Variants in SOX6 observed in about 807,000 individuals in gnomAD.
The protein encoded by SOX6 is transcription factor SOX-6.
SOX6 carries 11 observed loss-of-function variants against 97.8 expected under a neutral mutation model. The ratio of observed to expected loss-of-function variants is 0.11; its 90% confidence interval spans 0.07 to 0.19. The LOEUF (loss-of-function observed/expected upper bound fraction) is 0.19, where lower values mean the gene tolerates loss of function less well. SOX6 is among the 10% of genes least tolerant of loss of function. SOX6 has a pLI of 1.00. For synonymous variants in SOX6, 360 were observed against 371.4 expected, an observed-to-expected ratio of 0.97 and a Z score of 0.35; for missense variants, 810 against 1,039.5, an observed-to-expected ratio of 0.78 and a Z score of 3.04.
chr11:16,636,288 C>A (rs1482108445), intron 3 of SOX6, among the ~76,000 whole-genome samples: 2 of 152,174 alleles, frequency 1.3e-5, no homozygotes, highest in Admixed American at 6.5e-5. Context: ...GGCATGGAGT[C>A]AAAAGAGATC....
chr11:16,157,965 C>T (rs986146066), intron 6 of SOX6, among the ~76,000 whole-genome samples: 18 of 152,006 alleles, frequency 1.2e-4, no homozygotes, highest in Admixed American at 2.6e-4. Flanking sequence ...ACTTCTATGG[C>T]AGTCAGTGAA....
chr11:16,472,824 C>T (rs1356966986), intron 1 of SOX6, among the ~76,000 whole-genome samples: 1 of 151,900 alleles, frequency 6.6e-6, no homozygotes, highest in Non-Finnish European at 1.5e-5. Context: ...AAATAATTTC[C>T]TAGAAGTATA....
At chr11:16,461,187 T>C (rs1859918275) in intron 1 of SOX6, among the ~76,000 whole-genome samples, 1 of 152,110 alleles carries the variant, frequency 6.6e-6, no homozygotes, top group Non-Finnish European at 1.5e-5. Flanking sequence ...ATAGGAGTCA[T>C]TTTGACTCCT....
chr11:16,508,952 T>C (rs895231350), intron 4 of SOX6, among the ~76,000 whole-genome samples: 2 of 151,944 alleles, frequency 1.3e-5, no homozygotes, highest in African/African-American at 4.8e-5. Context: ...TCCATAAATA[T>C]ATGCAAATAT....
chr11:16,715,373 T>A (rs975701880), intron 2 of SOX6, among the ~76,000 whole-genome samples: 6 of 152,222 alleles, frequency 3.9e-5, no homozygotes, highest in African/African-American at 1.4e-4. Flanking sequence ...TAGAAAATTT[T>A]AAATTACATA....
chr11:15,976,046 C>T (rs924252742), intron 15 of SOX6, among the ~76,000 whole-genome samples: 1 of 152,088 alleles, frequency 6.6e-6, no homozygotes, highest in Non-Finnish European at 1.5e-5. Context: ...CTGTTTTAAG[C>T]CCCCAGACAG....
chr11:16,251,728 C>T (rs1853517511), intron 3 of SOX6, among the ~76,000 whole-genome samples: 1 of 151,806 alleles, frequency 6.6e-6, no homozygotes, highest in Admixed American at 6.6e-5. Flanking sequence ...AGGGGACCAG[C>T]CAAATATCGA....
chr11:16,473,236 G>A lies in SOX6; in HGVS notation c.-5+3079C>T, dbSNP rs114092105. 6.8e-3 allele frequency among the ~76,000 whole-genome samples: 1,036 copies of A among 152,224 alleles called. 8 individuals carry two copies. Among genetic ancestry groups the A allele is most frequent in the African/African-American group, 0.024 (991 of 41,538 alleles). ...ATAGGCGTGCCTTGAAGATATTGCA[G>A]GTTTGGTCCAGACCACTGCAATAAA... is the stretch of plus-strand genomic sequence containing the variant. On this transcript the variant is annotated intron_variant, in intron 1 of 15. Coordinates refer to the SOX6 transcript ENST00000396356.
At chr11:16,168,882 C>A (rs575661961) in intron 6 of SOX6, among the ~76,000 whole-genome samples, 1 of 152,238 alleles carries the variant, frequency 6.6e-6, no homozygotes, top group East Asian at 1.9e-4. Flanking sequence ...ACCAAGTTAT[C>A]GGTCAGCTGT....
chr11:16,025,282 A>T (rs1855183772), intron 12 of SOX6, among the ~76,000 whole-genome samples: 1 of 152,182 alleles, frequency 6.6e-6, no homozygotes, highest in South Asian at 2.1e-4. Context: ...CATGATGCAG[A>T]TTTGTTCCTG....
At chr11:16,629,397 T>G (rs1848672470) in intron 3 of SOX6, among the ~76,000 whole-genome samples, 1 of 152,208 alleles carries the variant, frequency 6.6e-6, no homozygotes, top group African/African-American at 2.4e-5. Flanking sequence ...TGAATCACAT[T>G]TATTAATTTG....
At chr11:16,343,158 T>C (rs1212864522) in intron 1 of SOX6, among the ~76,000 whole-genome samples, 1 of 151,840 alleles carries the variant, frequency 6.6e-6, no homozygotes, top group Non-Finnish European at 1.5e-5. Flanking sequence ...ATAACTACTA[T>C]TAGTAAAACC....
intron 4 of SOX6, among the ~76,000 whole-genome samples, chr11:16,541,277 A>G (rs1861403928): frequency 6.6e-6 from 1 of 152,230 alleles, no homozygotes; most frequent in South Asian, 2.1e-4. Flanking sequence ...ATATGTAGAA[A>G]GCTGAAACTG....
At chr11:16,359,065 G>A (rs1370187032), upstream of SOX6, among the ~76,000 whole-genome samples, 1 of 150,962 alleles carries the variant, frequency 6.6e-6, no homozygotes, top group Non-Finnish European at 1.5e-5. Context: ...AAAGTGATAG[G>A]ATAAGAAACC....
At chr11:16,717,580 T>C (rs927578281) in intron 2 of SOX6, among the ~76,000 whole-genome samples, 4 of 152,138 alleles carry the variant, frequency 2.6e-5, no homozygotes, top group African/African-American at 9.7e-5. Flanking sequence ...CTATGTCCTT[T>C]GTATATCTTT....
intron 13 of SOX6, among the ~76,000 whole-genome samples, chr11:16,000,191 C>T (rs11602209): frequency 0.31 from 47,178 of 151,782 alleles, 8,655 homozygotes; most frequent in Non-Finnish European, 0.41. Context: ...TTGATTTCTT[C>T]TTGCAAAAAA....
At chr11:16,522,650 T>C (rs1861087258) in intron 4 of SOX6, among the ~76,000 whole-genome samples, 1 of 151,808 alleles carries the variant, frequency 6.6e-6, no homozygotes, top group South Asian at 2.1e-4. Context: ...TAAATGTAAA[T>C]GGACTAAATG....
chr11:15,972,877 A>T lies in SOX6; in HGVS notation c.2419T>A (p.Tyr807Asn). 6.2e-7 allele frequency: 1 copy of T among 1,614,208 alleles called. No individual in the cohort carries two copies. Among genetic ancestry groups the T allele is most frequent in the Non-Finnish European group, 8.5e-7 (1 of 1,180,038 alleles). Reference protein sequence around the residue: ...GEDEMEMYDDYEDDPKSDYSS... With the variant: ...GEDEMEMYDDNEDDPKSDYSS... ...TAGTCTGATTTGGGGTCATCTTCAT[A>T]GTCATCATACATTTCCATTTCATCC... Residue 807 changes from tyrosine to asparagine, a missense_variant, in exon 16 of 16, where the codon TAT (tyrosine) becomes AAT (asparagine). By Grantham distance (143) the Tyr-to-Asn change is moderately radical (BLOSUM62 -2). This residue lies in a region of SOX6 where 122 missense variants were observed against 153.4 expected (regional missense o/e 0.80). Coordinates refer to ENST00000683767, the MANE Select transcript of SOX6 (RefSeq NM_001367873.1).
At chr11:16,230,885 G>T (rs568657884) in intron 4 of SOX6, among the ~76,000 whole-genome samples, 1 of 151,732 alleles carries the variant, frequency 6.6e-6, no homozygotes, top group Non-Finnish European at 1.5e-5. Context: ...CTGATAAATG[G>T]TTCCAAATAT....
Sources: allele counts gnomAD v4.1 joint callset (sites outside exome capture counted in the v4.1 genomes callset), GRCh38; gene constraint gnomAD v4.1.1; regional missense constraint gnomAD v4.1.1; transcripts MANE v1.5; gene names NCBI Gene and HGNC (gene_info 2026-07-23, HGNC 2026-07-21).